The following LRRTM4 variants were observed in gnomAD, a reference collection of about 807,000 sequenced individuals.
The protein encoded by LRRTM4 is leucine rich repeat transmembrane neuronal 4.
A neutral mutation model predicts 47.6 loss-of-function variants in LRRTM4; 25 were observed. The observed-to-expected ratio is 0.53, with a 90% CI of 0.38 to 0.73. The LOEUF (loss-of-function observed/expected upper bound fraction) is 0.73. LRRTM4 is among the 30% of genes least tolerant of loss of function. LRRTM4 has a pLI of 0.00. For missense variants in LRRTM4, 638 were observed against 713.4 expected (o/e 0.89, Z 1.20); for synonymous variants, 311 against 269.5 (o/e 1.15, Z -1.51).
chr2:77,241,624 C>A (rs1178794290), intron 3 of LRRTM4, among the ~76,000 whole-genome samples: 2 of 151,880 alleles, frequency 1.3e-5, no homozygotes, highest in Non-Finnish European at 2.9e-5. Context: ...ATGGAATAAG[C>A]TCTGGAAAAA....
At position 77,102,486 on chromosome 2, in the gene LRRTM4, C is replaced by T. The variant is rs189871330; in HGVS notation, c.1552-353570G>A. On this transcript the variant is annotated intron_variant, in intron 3 of 3. Transcript: ENST00000409884. ...ATTCCCTTGTTGAAAACATTTAGCC[C>T]ATCTACCTGACTAGAACTGAGTCAA... Among the ~76,000 whole-genome samples the T allele has an allele frequency of 2.0e-3, 307 of 152,328 alleles. 1 individual carries two copies. Among genetic ancestry groups the T allele is most frequent in the Middle Eastern group, 0.01 (3 of 294 alleles).
At chr2:77,456,316 C>T (rs1676538574) in intron 3 of LRRTM4, among the ~76,000 whole-genome samples, 1 of 152,096 alleles carries the variant, frequency 6.6e-6, no homozygotes, top group African/African-American at 2.4e-5. Context: ...TCTAATAATT[C>T]AAAGAAAAAT....
chr2:76,983,450 T>G (rs1676682788), intron 3 of LRRTM4, among the ~76,000 whole-genome samples: 1 of 151,910 alleles, frequency 6.6e-6, no homozygotes, highest in Non-Finnish European at 1.5e-5. Context: ...CTCAGGAGAT[T>G]TGATGGTTTT....
chr2:77,327,566 G>A (rs1389776460), intron 3 of LRRTM4, among the ~76,000 whole-genome samples: 1 of 152,114 alleles, frequency 6.6e-6, no homozygotes, highest in Non-Finnish European at 1.5e-5. Context: ...GTTATATGTT[G>A]TACAGGTAGG....
rs116158253 is a variant in LRRTM4 at position 77,241,374 on chromosome 2, A to C, written c.1551+276944T>G. On this transcript the variant is annotated intron_variant, in intron 3 of 3. Coordinates refer to ENST00000409884, the MANE Select transcript of LRRTM4 (RefSeq NM_001134745.3). ...AAATTTAGATATCCGTGTGCAAAAT[A>C]TCTCAATGCATACCTTGCACTCTAT... Among the ~76,000 whole-genome samples, 1,342 of 152,190 alleles carry C rather than the reference A, an allele frequency of 8.8e-3. 8 individuals carry two copies. The highest frequency in any genetic ancestry group is 0.021 in the Middle Eastern group (6 of 292).
intron 3 of LRRTM4, among the ~76,000 whole-genome samples, chr2:77,318,238 A>G (rs1677676241): frequency 6.6e-6 from 1 of 151,832 alleles, no homozygotes; most frequent in African/African-American, 2.4e-5. Context: ...GATCTCCTGA[A>G]CTCGTGATCC....
At chr2:76,978,338 A>T (rs1019934254) in intron 3 of LRRTM4, among the ~76,000 whole-genome samples, 4 of 152,078 alleles carry the variant, frequency 2.6e-5, no homozygotes, top group Non-Finnish European at 5.9e-5. Context: ...ATGAAAGCAC[A>T]TGCTTGGCTT....
chr2:77,290,665 T>C (rs1389437509), intron 3 of LRRTM4, among the ~76,000 whole-genome samples: 1 of 152,014 alleles, frequency 6.6e-6, no homozygotes, highest in Non-Finnish European at 1.5e-5. Flanking sequence ...ACCCCATAAA[T>C]ATATACTATT....
intron 3 of LRRTM4, among the ~76,000 whole-genome samples, chr2:76,932,433 C>A (rs1674801512): frequency 6.6e-6 from 1 of 151,956 alleles, no homozygotes. Flanking sequence ...ATAATAAAGG[C>A]ATTCCCCTAT....
intron 3 of LRRTM4, among the ~76,000 whole-genome samples, chr2:77,476,386 C>T (rs1355013389): frequency 6.6e-6 from 1 of 151,878 alleles, no homozygotes; most frequent in Non-Finnish European, 1.5e-5. Context: ...ATAAGAAATT[C>T]AAATTGGTAA....
chr2:77,004,035 T>C lies in LRRTM4; in HGVS notation c.1552-255119A>G, dbSNP rs543211735. 4.6e-5 allele frequency among the ~76,000 whole-genome samples: 7 copies of C among 152,260 alleles called. No homozygotes were observed. The South Asian group carries it at 1.2e-3, about 27-fold the overall frequency. On this transcript the variant is annotated intron_variant, in intron 3 of 3. Coordinates refer to ENST00000409884, the MANE Select transcript of LRRTM4 (RefSeq NM_001134745.3). Reference sequence around the variant, plus strand: ...TGTGGAACTTTGAACTTGAGAGAAATAATTTAGGGTATCCATTGGAAGAAA... The same window carrying C: ...TGTGGAACTTTGAACTTGAGAGAAACAATTTAGGGTATCCATTGGAAGAAA...
chr2:77,212,320 G>T lies in LRRTM4; in HGVS notation c.1551+305998C>A, dbSNP rs563982615. On this transcript the variant is annotated intron_variant, in intron 3 of 3. Coordinates refer to ENST00000409884, the MANE Select transcript of LRRTM4 (RefSeq NM_001134745.3). ...ACTATTACTAAATTAATACAAAGTG[G>T]TTTATAATTTGTGTAATTCTCAAGA... Among the ~76,000 whole-genome samples, 30 of 149,972 alleles carry T rather than the reference G, an allele frequency of 2.0e-4. No homozygotes were observed. The East Asian group carries it at 5.9e-3, about 29-fold the overall frequency.
intron 3 of LRRTM4, among the ~76,000 whole-genome samples, chr2:77,223,998 G>C (rs1167614766): frequency 6.6e-6 from 1 of 151,820 alleles, no homozygotes; most frequent in Non-Finnish European, 1.5e-5. Context: ...CATGGTACTG[G>C]TACCAAAACA....
intron 3 of LRRTM4, among the ~76,000 whole-genome samples, chr2:77,108,250 A>G (rs1052303015): frequency 1.3e-5 from 2 of 152,132 alleles, no homozygotes; most frequent in African/African-American, 4.8e-5. Flanking sequence ...TGTATGCAGG[A>G]GTAGTAAACA....
chr2:77,166,545 A>G (rs772211012), intron 3 of LRRTM4, among the ~76,000 whole-genome samples: 1 of 152,218 alleles, frequency 6.6e-6, no homozygotes, highest in African/African-American at 2.4e-5. Flanking sequence ...ATGCTACCTG[A>G]CTTCAAACTA....
At chr2:77,038,614 CTA>C (rs1483768508) in intron 3 of LRRTM4, among the ~76,000 whole-genome samples, 1 of 151,420 alleles carries the variant, frequency 6.6e-6, no homozygotes, top group African/African-American at 2.4e-5. Context: ...AAGATTTAAA[CTA>C]TGTATGGATA....
At chr2:76,913,819 G>A (rs1407951360) in intron 3 of LRRTM4, among the ~76,000 whole-genome samples, 5 of 151,828 alleles carry the variant, frequency 3.3e-5, no homozygotes, top group East Asian at 1.9e-4. Flanking sequence ...GATTACAGGC[G>A]TGAACCACCA....
chr2:77,428,732 G>A (rs1312999084), intron 3 of LRRTM4, among the ~76,000 whole-genome samples: 14 of 152,182 alleles, frequency 9.2e-5, no homozygotes, highest in African/African-American at 3.1e-4. Context: ...AGAATCAGAA[G>A]AGTAAATGGT....
At chr2:76,852,146 T>C (rs533935638) in intron 3 of LRRTM4, among the ~76,000 whole-genome samples, 26 of 152,260 alleles carry the variant, frequency 1.7e-4, no homozygotes, top group South Asian at 1.0e-3. Flanking sequence ...AACAACCATA[T>C]TGAAAATTGC....
Sources: gnomAD v4.1 joint callset for allele counts (sites outside exome capture counted in the v4.1 genomes callset) on GRCh38, gnomAD v4.1.1 for gene constraint, MANE v1.5 for transcripts, NCBI Gene and HGNC (gene_info 2026-07-23, HGNC 2026-07-21) for gene names.